The following ASAP2 variants were observed in gnomAD, a reference collection of about 807,000 sequenced individuals.
The protein encoded by ASAP2 is ArfGAP with SH3 domain, ankyrin repeat and PH domain 2, also known as arf-GAP with SH3 domain, ANK repeat and PH domain-containing protein 2.
ASAP2 carries 45 observed loss-of-function variants against 131.4 expected under a neutral mutation model. The observed-to-expected ratio is 0.34, with a 90% confidence interval of 0.27 to 0.44. The LOEUF (loss-of-function observed/expected upper bound fraction) is 0.44. ASAP2 is among the 20% of genes least tolerant of loss of function. The probability of loss-of-function intolerance (pLI) is 1.00; values close to 1 mark genes in which losing one functional copy is unlikely to be tolerated. For synonymous variants in ASAP2, 510 were observed against 503.0 expected (o/e 1.01, Z -0.19); for missense variants, 1,011 against 1,297.0 (o/e 0.78, Z 3.39).
intron 15 of ASAP2, 137 bp downstream of exon 15, chr2:9,359,026 ATTGATAATTC>A: frequency 9.1e-7 from 1 of 1,094,362 alleles, no homozygotes; most frequent in Admixed American, 2.6e-5. Flanking sequence ...TTAGAAACTC[ATTGATAATTC>A]TTCATTTTTA....
chr2:9,251,592 C>T (rs1189039989), intron 1 of ASAP2, among the ~76,000 whole-genome samples: 1 of 152,198 alleles, frequency 6.6e-6, no homozygotes, highest in Non-Finnish European at 1.5e-5. Context: ...CTTTTCCCTC[C>T]ATCCCAGCTG....
rs1171416548 is a variant in ASAP2, at chr2:9,217,059, G to C, written c.126+9829G>C. On this transcript the variant is annotated intron_variant, in intron 1 of 27. Coordinates refer to ENST00000281419, the MANE Select transcript of ASAP2 (RefSeq NM_003887.3). The surrounding 1 kb of genome is among the most constrained non-coding windows in gnomAD (Gnocchi z 4.0). The stretch of plus-strand genomic sequence containing the variant: ...TACCAAGTTCATGGAGCTTGGAGGT[G>C]ATGAAGCCAGGATTCATTCAAATCA... Among the ~76,000 whole-genome samples, 1 of 152,200 alleles carries C rather than the reference G, an allele frequency of 6.6e-6. No individual in the cohort carries two copies. Among genetic ancestry groups the C allele is most frequent in the Non-Finnish European group, 1.5e-5 (1 of 68,030 alleles).
chr2:9,221,889 G>T (rs1238482049), intron 1 of ASAP2, among the ~76,000 whole-genome samples: 1 of 152,066 alleles, frequency 6.6e-6, no homozygotes, highest in Non-Finnish European at 1.5e-5. Flanking sequence ...TGCCTCCCAG[G>T]TTCACGCCAT....
At chr2:9,336,785 GA>G (rs1219267752) in intron 9 of ASAP2, among the ~76,000 whole-genome samples, 11 of 152,366 alleles carry the variant, frequency 7.2e-5, no homozygotes, top group Admixed American at 2.0e-4. Context: ...CGGTAACGAG[GA>G]GGAGGTAGTG....
intron 1 of ASAP2, among the ~76,000 whole-genome samples, chr2:9,258,333 TTG>T (rs151125073): frequency 0.21 from 25,808 of 121,408 alleles, 2,647 homozygotes; most frequent in African/African-American, 0.33. Context: ...TAATCAGTAG[TTG>T]TTTTTTTTTT....
intron 9 of ASAP2, among the ~76,000 whole-genome samples, chr2:9,342,809 G>A (rs1023048746): frequency 6.6e-6 from 1 of 152,196 alleles, no homozygotes; most frequent in African/African-American, 2.4e-5. Flanking sequence ...TGCAGTATTT[G>A]TCTAGCTTCC....
intron 5 of ASAP2, 29 bp downstream of exon 5, chr2:9,320,366 A>G (rs767864391): frequency 1.6e-5 from 26 of 1,582,302 alleles, no homozygotes; most frequent in East Asian, 1.6e-4. Flanking sequence ...AAATTTACGT[A>G]TAGGTAATTT....
At chr2:9,377,204 G>A (rs2148724396) in intron 18 of ASAP2, among the ~76,000 whole-genome samples, 1 of 152,294 alleles carries the variant, frequency 6.6e-6, no homozygotes, top group South Asian at 2.1e-4. Flanking sequence ...GGTAATTGCA[G>A]GGTCCAACTT....
At chr2:9,265,333 G>A (rs755177357) in intron 1 of ASAP2, among the ~76,000 whole-genome samples, 20 of 152,168 alleles carry the variant, frequency 1.3e-4, no homozygotes, top group Non-Finnish European at 1.3e-4. Context: ...GGAATTCAAC[G>A]GAATCCCGGA....
intron 24 of ASAP2, 86 bp downstream of exon 24, chr2:9,393,733 C>T (rs1253318764): frequency 1.5e-6 from 2 of 1,370,502 alleles, no homozygotes; most frequent in Non-Finnish European, 9.7e-7. Flanking sequence ...GTTTGCAATC[C>T]CCAGGGCTCC....
At chr2:9,315,564 A>C (rs373097155) in intron 3 of ASAP2, among the ~76,000 whole-genome samples, 1 of 152,106 alleles carries the variant, frequency 6.6e-6, no homozygotes, top group South Asian at 2.1e-4. Flanking sequence ...AGCTGGCTGC[A>C]TACTTGGGGC....
chr2:9,400,270 CTCCTTCCTT>C, intron 25 of ASAP2, among the ~76,000 whole-genome samples, 198 bp downstream of exon 25: 4 of 98,744 alleles, frequency 4.1e-5, no homozygotes, highest in Non-Finnish European at 6.2e-5. Flanking sequence ...CCCTCTTCCT[CTCCTTCCTT>C]CCCTCCTTCC....
At chr2:9,344,999 T>A (rs1671871555) in intron 11 of ASAP2, among the ~76,000 whole-genome samples, 199 bp downstream of exon 11, 1 of 151,784 alleles carries the variant, frequency 6.6e-6, no homozygotes, top group Non-Finnish European at 1.5e-5. Context: ...TGTTTTTTTT[T>A]TTTTAATTTT....
intron 17 of ASAP2, among the ~76,000 whole-genome samples, 162 bp downstream of exon 17, chr2:9,375,106 CAA>C (rs112747713): frequency 4.8e-4 from 32 of 66,234 alleles, no homozygotes; most frequent in African/African-American, 5.2e-4. Context: ...CCCATCTCTA[CAA>C]AAAAAAAAAA....
In ASAP2 at chr2:9,207,240, C is replaced by T; in HGVS notation, c.126+10C>T. 6.4e-7 allele frequency: 1 copy of T among 1,565,136 alleles called. No individual in the cohort carries two copies. The highest frequency in any genetic ancestry group is 8.6e-7 in the Non-Finnish European group (1 of 1,159,100). ...GGCGGCCATCGAGGAGGTGAGGCGG[C>T]CTGCGCGGCGGCTCCGGCCGCAGGT... On this transcript the variant is annotated intron_variant, in intron 1 of 27. Transcript: ENST00000281419. The surrounding 1 kb of genome is among the most constrained non-coding windows in gnomAD (Gnocchi z 4.1).
At chr2:9,376,437 A>G (rs929192967) in intron 17 of ASAP2, among the ~76,000 whole-genome samples, 2 of 152,292 alleles carry the variant, frequency 1.3e-5, no homozygotes, top group African/African-American at 4.8e-5. Flanking sequence ...AGTTGGAGAC[A>G]GTGCAGTTAT....
intron 3 of ASAP2, among the ~76,000 whole-genome samples, chr2:9,307,263 C>T (rs375065022): frequency 2.0e-5 from 3 of 152,180 alleles, no homozygotes; most frequent in South Asian, 2.1e-4. Context: ...TTCCTAGTCA[C>T]GCTGGCCTTG....
At chr2:9,297,676 A>G (rs552854910) in intron 3 of ASAP2, among the ~76,000 whole-genome samples, 3 of 152,360 alleles carry the variant, frequency 2.0e-5, no homozygotes, top group Middle Eastern at 3.4e-3. Context: ...GTACACAGCT[A>G]TGGGACAAAA....
chr2:9,317,074 A>C (rs1180219599), intron 3 of ASAP2, among the ~76,000 whole-genome samples: 1 of 135,876 alleles, frequency 7.4e-6, no homozygotes, highest in Non-Finnish European at 1.6e-5. Flanking sequence ...ACCACACAAA[A>C]TCACATCCAC....
Sources: gnomAD v4.1 joint callset for allele counts (sites outside exome capture counted in the v4.1 genomes callset) on GRCh38, gnomAD v4.1.1 for gene constraint, Gnocchi (gnomAD v3.1) non-coding constraint, MANE v1.5 for transcripts, NCBI Gene and HGNC (gene_info 2026-07-23, HGNC 2026-07-21) for gene names.